SLMAP: variants seen among roughly 807,000 people sequenced by gnomAD.
SLMAP encodes the protein sarcolemma associated protein, also known as sarcolemmal membrane-associated protein.
Under a neutral mutation model 128.8 loss-of-function variants are expected in SLMAP, and 44 were observed. The ratio of observed to expected loss-of-function variants is 0.34; its 90% CI spans 0.27 to 0.44. The LOEUF is 0.44. Ranked by LOEUF, SLMAP falls within the 20% of genes least tolerant of loss-of-function variation. SLMAP has a pLI of 1.00. For missense variants in SLMAP, 787 were observed against 985.3 expected, an observed-to-expected ratio of 0.80 and a Z score of 2.69; for synonymous variants, 327 against 348.8, an observed-to-expected ratio of 0.94 and a Z score of 0.70.
chr3:57,851,069 C>A, intron 6 of SLMAP, among the ~76,000 whole-genome samples: 1 of 152,212 alleles, frequency 6.6e-6, no homozygotes, highest in Middle Eastern at 3.2e-3. Context: ...TTAATTCTCA[C>A]AACAGTCTTA....
chr3:57,794,340 T>C (rs1415715035), intron 2 of SLMAP, among the ~76,000 whole-genome samples: 1 of 152,222 alleles, frequency 6.6e-6, no homozygotes, highest in Non-Finnish European at 1.5e-5. Context: ...TCCTTTGGCT[T>C]TTACTGTCCT....
chr3:57,834,501 T>A (rs1233155463), intron 3 of SLMAP, among the ~76,000 whole-genome samples: 1 of 151,946 alleles, frequency 6.6e-6, no homozygotes, highest in African/African-American at 2.4e-5. Flanking sequence ...AAAATTAGAG[T>A]AAATTGATGT....
intron 14 of SLMAP, among the ~76,000 whole-genome samples, chr3:57,877,857 CAG>C (rs34813297): frequency 0.13 from 14,598 of 111,286 alleles, 896 homozygotes; most frequent in South Asian, 0.17. Flanking sequence ...TTTTTTTAAA[CAG>C]AGTCTCGCTC....
At chr3:57,836,693 C>T (rs1179543905) in intron 3 of SLMAP, among the ~76,000 whole-genome samples, 1 of 152,086 alleles carries the variant, frequency 6.6e-6, no homozygotes, top group African/African-American at 2.4e-5. Flanking sequence ...GGAGAAAACT[C>T]AATGGTCAGG....
intron 2 of SLMAP, among the ~76,000 whole-genome samples, chr3:57,814,044 A>G (rs2091466845): frequency 6.6e-6 from 1 of 150,540 alleles, no homozygotes; most frequent in African/African-American, 2.4e-5. Context: ...CCCAAGTAGC[A>G]TTTTGAGTTT....
intron 14 of SLMAP, among the ~76,000 whole-genome samples, chr3:57,873,738 G>C (rs948242905): frequency 6.6e-6 from 1 of 152,080 alleles, no homozygotes; most frequent in Non-Finnish European, 1.5e-5. Flanking sequence ...TCTTTCATGG[G>C]CCTAGGCAGG....
intron 2 of SLMAP, among the ~76,000 whole-genome samples, chr3:57,814,387 C>A (rs1419633410): frequency 6.6e-6 from 1 of 152,030 alleles, no homozygotes; most frequent in Non-Finnish European, 1.5e-5. Context: ...GCAATGCGCC[C>A]ACCTCAACCG....
rs138578245 is a variant in SLMAP at position 57,843,134 on chromosome 3, G to A, written c.419+1763G>A. On this transcript the variant is annotated intron_variant, in intron 4 of 24. Transcript: ENST00000671191. ...AAAGCATTAAGATGCTTTTGGGTAT[G>A]CCAGAAAGCCTAGAGTTTAAGTTCC... is the stretch of plus-strand genomic sequence containing the variant. 9.2e-4 allele frequency among the ~76,000 whole-genome samples: 140 copies of A among 152,114 alleles called. 1 individual carries two copies. The East Asian group carries it at 0.025, about 27-fold the overall frequency.
intron 2 of SLMAP, among the ~76,000 whole-genome samples, chr3:57,791,593 A>G (rs2085469798): frequency 6.6e-6 from 1 of 152,196 alleles, no homozygotes. Flanking sequence ...AAGTTAAGGT[A>G]TGAATAATTT....
At chr3:57,775,661 G>C (rs997877475) in intron 2 of SLMAP, among the ~76,000 whole-genome samples, 1 of 151,934 alleles carries the variant, frequency 6.6e-6, no homozygotes, top group African/African-American at 2.4e-5. Context: ...CTGCACTCCA[G>C]CCTGGGAGAC....
chr3:57,888,279 A>C (rs1311453973), intron 14 of SLMAP, among the ~76,000 whole-genome samples: 1 of 152,234 alleles, frequency 6.6e-6, no homozygotes, highest in Non-Finnish European at 1.5e-5. Flanking sequence ...GAAAGGAAAT[A>C]TAATTATAGC....
chr3:57,823,156 G>A (rs11130601), intron 2 of SLMAP, among the ~76,000 whole-genome samples: 24,017 of 152,124 alleles, frequency 0.16, 2,445 homozygotes, highest in East Asian at 0.43. Context: ...GGGGAAATGC[G>A]GACATTGGAC....
rs779057044 is a variant in SLMAP, at chr3:57,912,472, C to T, written c.1791C>T (p.Ala597=). 6.2e-7 allele frequency: 1 copy of T among 1,614,044 alleles called. No individual in the cohort carries two copies. The highest frequency in any genetic ancestry group is 1.7e-5 in the Admixed American group (1 of 60,010). ...GTACTAGAGATGAATTGCTTAGTGC[C>T]CGAGATGAAATTTTGCTCCTTCATC... ...ITSTRDELLS[A]RDEILLLHQA... The change falls in exon 20 of 25, where the codon GCC becomes GCT. Residue 597 remains alanine, a synonymous_variant. Transcript: ENST00000671191.
intron 17 of SLMAP, chr3:57,898,747 C>T: frequency 6.6e-6 from 1 of 152,128 alleles, no homozygotes; most frequent in East Asian, 1.9e-4. Flanking sequence ...GACACAAGAG[C>T]ATTAGGAAAG....
chr3:57,841,287 TG>T lies in SLMAP; in HGVS notation c.347-11del. ...AATTATTTCATCCATATTATTTGTTTGTTTCAACCAGTTACCCATGGGTGTA... is the reference window on the plus strand; with the variant it reads ...AATTATTTCATCCATATTATTTGTTTTTTCAACCAGTTACCCATGGGTGTA... On this transcript the variant is annotated splice_polypyrimidine_tract_variant and intron_variant, in intron 3 of 24. Transcript: ENST00000671191. 6.5e-7 allele frequency: 1 copy of T among 1,542,732 alleles called. No individual in the cohort carries two copies.
chr3:57,848,469 G>A (rs544327887), intron 5 of SLMAP, among the ~76,000 whole-genome samples: 38 of 116,504 alleles, frequency 3.3e-4, no homozygotes, highest in South Asian at 8.2e-4. Context: ...CTTCTTACTC[G>A]TTTTTTTCTT....
At position 57,847,250 on chromosome 3, in the gene SLMAP, T is replaced by A. The variant is rs1041435648; in HGVS notation, c.456+17T>A. ...GTTGACAAAGTAAGTTGCTAATGAT[T>A]ATTTTTTCCAAACTGACTCAGCTAT... On this transcript the variant is annotated intron_variant, in intron 5 of 24. Coordinates refer to ENST00000671191, the MANE Select transcript of SLMAP (RefSeq NM_001377540.1). The A allele has an allele frequency of 3.8e-6, 6 of 1,598,778 alleles. No individual in the cohort carries two copies. Among genetic ancestry groups the A allele is most frequent in the Middle Eastern group, 1.7e-4 (1 of 6,008 alleles).
chr3:57,858,183 A>G, intron 8 of SLMAP, 24 bp downstream of exon 8: 8 of 1,308,978 alleles, frequency 6.1e-6, no homozygotes, highest in Non-Finnish European at 8.8e-6. Flanking sequence ...TCAAATGTGT[A>G]AAATGAAATG....
intron 2 of SLMAP, among the ~76,000 whole-genome samples, chr3:57,783,176 G>A (rs2083402695): frequency 6.6e-6 from 1 of 152,160 alleles, no homozygotes; most frequent in Non-Finnish European, 1.5e-5. Context: ...GCCAGTTGTG[G>A]TAAATGGAGC....
Sources: allele counts gnomAD v4.1 joint callset (sites outside exome capture counted in the v4.1 genomes callset), GRCh38; gene constraint gnomAD v4.1.1; transcripts MANE v1.5; gene names NCBI Gene and HGNC (gene_info 2026-07-23, HGNC 2026-07-21).